The following BTBD9 variants were observed in gnomAD, a reference collection of about 807,000 sequenced individuals.
BTBD9 encodes BTB/POZ domain-containing protein 9.
In BTBD9, 49 loss-of-function variants were observed where a neutral mutation model predicts 64.3. The ratio of observed to expected loss-of-function variants is 0.76; its 90% CI spans 0.61 to 0.97. BTBD9 has a LOEUF of 0.97. BTBD9 is among the 50% of genes least tolerant of loss of function. The pLI is 0.00. For synonymous variants in BTBD9, 260 were observed against 274.7 expected (o/e 0.95, Z 0.53); for missense variants, 598 against 762.1 (o/e 0.78, Z 2.53).
intron 7 of BTBD9, among the ~76,000 whole-genome samples, chr6:38,312,217 T>G (rs886086441): frequency 6.6e-6 from 1 of 152,212 alleles, no homozygotes; most frequent in East Asian, 1.9e-4. Context: ...TCTTGAGAAA[T>G]GTCTATTCAG....
chr6:38,308,673 G>A (rs994072785), intron 7 of BTBD9, among the ~76,000 whole-genome samples: 4 of 151,992 alleles, frequency 2.6e-5, no homozygotes, highest in Non-Finnish European at 5.9e-5. Flanking sequence ...GCATGATCAC[G>A]GCTCACTGCA....
chr6:38,619,412 G>A (rs948128062), intron 1 of BTBD9, among the ~76,000 whole-genome samples: 1 of 152,266 alleles, frequency 6.6e-6, no homozygotes, highest in Admixed American at 6.5e-5. Context: ...AAATGAAGCA[G>A]GCCAATAACC....
chr6:38,388,940 G>C (rs1381240258), intron 6 of BTBD9, among the ~76,000 whole-genome samples: 1 of 152,068 alleles, frequency 6.6e-6, no homozygotes, highest in African/African-American at 2.4e-5. Flanking sequence ...TTATACCACA[G>C]GTTTTATACT....
At chr6:38,459,281 G>C (rs1314574353) in intron 6 of BTBD9, among the ~76,000 whole-genome samples, 1 of 152,154 alleles carries the variant, frequency 6.6e-6, no homozygotes, top group Non-Finnish European at 1.5e-5. Flanking sequence ...GCCTCCCAAA[G>C]TGCTGGGATT....
intron 9 of BTBD9, among the ~76,000 whole-genome samples, chr6:38,247,224 A>G (rs1764239590): frequency 6.6e-6 from 1 of 151,932 alleles, no homozygotes; most frequent in Non-Finnish European, 1.5e-5. Flanking sequence ...CAATCTTGCT[A>G]TACTTTGGAA....
chr6:38,353,569 A>G (rs1305398975), intron 6 of BTBD9, among the ~76,000 whole-genome samples: 1 of 152,234 alleles, frequency 6.6e-6, no homozygotes, highest in Non-Finnish European at 1.5e-5. Context: ...TCATTACTCA[A>G]TAAAACATCT....
In BTBD9 at chr6:38,439,541, C is replaced by G. The variant is rs535375502; in HGVS notation, c.1155-94448G>C. ...TCCCGGGCTCAAGTGATTCTCCTGC[C>G]TCAGCCTCCCGAGTAGCTGGGATTA... On this transcript the variant is annotated intron_variant, in intron 6 of 10. Coordinates refer to ENST00000481247, the MANE Select transcript of BTBD9 (RefSeq NM_001099272.2). 4.4e-4 allele frequency among the ~76,000 whole-genome samples: 67 copies of G among 152,244 alleles called. 1 individual carries two copies. In the South Asian group the frequency reaches 0.013, roughly 29 times the overall value.
At chr6:38,188,945 C>CA (rs1761936729) in intron 10 of BTBD9, among the ~76,000 whole-genome samples, 1 of 152,170 alleles carries the variant, frequency 6.6e-6, no homozygotes, top group Non-Finnish European at 1.5e-5. Flanking sequence ...ACCCTGACCT[C>CA]AGACTCCCAG....
chr6:38,516,662 A>G (rs1773041672), intron 6 of BTBD9, among the ~76,000 whole-genome samples: 1 of 152,224 alleles, frequency 6.6e-6, no homozygotes. Flanking sequence ...AGATGCACCC[A>G]ATTAACATTC....
chr6:38,413,224 C>G (rs1168698872), intron 6 of BTBD9, among the ~76,000 whole-genome samples: 1 of 152,106 alleles, frequency 6.6e-6, no homozygotes, highest in Non-Finnish European at 1.5e-5. Flanking sequence ...AGTAACGTGG[C>G]TTAAACTAGG....
intron 8 of BTBD9, among the ~76,000 whole-genome samples, chr6:38,285,134 A>G (rs1197026782): frequency 1.3e-5 from 2 of 152,154 alleles, no homozygotes; most frequent in Non-Finnish European, 2.9e-5. Flanking sequence ...GGGTGTGGCC[A>G]TATCAGATGT....
At chr6:38,241,519 G>A (rs1490367096) in intron 9 of BTBD9, among the ~76,000 whole-genome samples, 1 of 152,160 alleles carries the variant, frequency 6.6e-6, no homozygotes, top group Non-Finnish European at 1.5e-5. Flanking sequence ...GCTCCATACT[G>A]TTGTATAAAT....
At chr6:38,350,155 A>G (rs1309253087) in intron 6 of BTBD9, among the ~76,000 whole-genome samples, 2 of 152,196 alleles carry the variant, frequency 1.3e-5, no homozygotes, top group Non-Finnish European at 2.9e-5. Flanking sequence ...ATTTGTTAAG[A>G]AAAATGAATT....
chr6:38,613,281 T>C (rs988504501), intron 1 of BTBD9, among the ~76,000 whole-genome samples: 10 of 152,132 alleles, frequency 6.6e-5, no homozygotes, highest in Non-Finnish European at 1.5e-5. Context: ...GCTTTAGAGA[T>C]TGTCTTAGGA....
intron 7 of BTBD9, among the ~76,000 whole-genome samples, chr6:38,341,086 TAGAC>T (rs773624194): frequency 3.3e-5 from 5 of 152,066 alleles, no homozygotes; most frequent in Non-Finnish European, 7.4e-5. Flanking sequence ...CAGACAAAGA[TAGAC>T]AGATAAATAG....
At position 38,403,480 on chromosome 6, in the gene BTBD9, G is replaced by T. The variant is rs182166145; in HGVS notation, c.1155-58387C>A. 1.2e-4 allele frequency among the ~76,000 whole-genome samples: 19 copies of T among 152,272 alleles called. No individual in the cohort carries two copies. In the East Asian group the frequency reaches 3.7e-3, roughly 29 times the overall value. On this transcript the variant is annotated intron_variant, in intron 6 of 10. Coordinates refer to ENST00000481247, the MANE Select transcript of BTBD9 (RefSeq NM_001099272.2). ...TAAATCCCCAATAAGCATATGAAAAGACACTCAATGTTATTAGCCATCAGG... is the reference window on the plus strand; with the variant it reads ...TAAATCCCCAATAAGCATATGAAAATACACTCAATGTTATTAGCCATCAGG...
In BTBD9 at chr6:38,603,760, C is replaced by T. The variant is rs115470241; in HGVS notation, c.-27-5639G>A. On this transcript the variant is annotated intron_variant, in intron 1 of 10. Transcript: ENST00000481247. ...GTATTTCCTGACTGAAAAGCCTTTA[C>T]GGGAAAAAAGACCTTCTGCTCTTTA... Among the ~76,000 whole-genome samples the T allele has an allele frequency of 8.5e-3, 1,293 of 152,174 alleles. 8 individuals are homozygous for T. The highest frequency in any genetic ancestry group is 0.028 in the African/African-American group (1,169 of 41,528).
At chr6:38,395,491 G>A (rs1270216102) in intron 6 of BTBD9, among the ~76,000 whole-genome samples, 4 of 152,174 alleles carry the variant, frequency 2.6e-5, no homozygotes, top group African/African-American at 9.7e-5. Context: ...CTATAAATGA[G>A]TAAATGGCCC....
intron 4 of BTBD9, among the ~76,000 whole-genome samples, chr6:38,586,825 G>A (rs1176896700): frequency 6.6e-6 from 1 of 152,162 alleles, no homozygotes. Flanking sequence ...CACTTTGGGA[G>A]GCTGAGGCAG....
Sources: gnomAD v4.1 joint callset for allele counts (sites outside exome capture counted in the v4.1 genomes callset) on GRCh38, gnomAD v4.1.1 for gene constraint, MANE v1.5 for transcripts, NCBI Gene and HGNC (gene_info 2026-07-23, HGNC 2026-07-21) for gene names.